The following PLCH1 variants were observed in gnomAD, a reference collection of about 807,000 sequenced individuals.
The protein encoded by PLCH1 is phospholipase C eta 1, also known as 1-phosphatidylinositol 4,5-bisphosphate phosphodiesterase eta-1.
PLCH1 carries 60 observed loss-of-function variants against 126.7 expected under a neutral mutation model. That is an observed-to-expected ratio of 0.47 (90% CI 0.38 to 0.59). PLCH1 has a LOEUF of 0.59. Ranked by LOEUF, PLCH1 falls within the 20% of genes least tolerant of loss-of-function variation. The probability of loss-of-function intolerance (pLI) is 0.00; values close to 1 mark genes in which losing one functional copy is unlikely to be tolerated. For missense variants in PLCH1, 1,723 were observed against 2,040.0 expected (o/e 0.84, Z 2.99); for synonymous variants, 719 against 734.9 (o/e 0.98, Z 0.35).
intron 13 of PLCH1, among the ~76,000 whole-genome samples, chr3:155,503,763 C>T (rs1191770035): frequency 6.6e-6 from 1 of 152,198 alleles, no homozygotes; most frequent in Non-Finnish European, 1.5e-5. Flanking sequence ...GTTTTGAACA[C>T]CTGACCTCAG....
chr3:155,542,111 C>T (rs1724363756), intron 10 of PLCH1, among the ~76,000 whole-genome samples: 1 of 152,196 alleles, frequency 6.6e-6, no homozygotes, highest in South Asian at 2.1e-4. Context: ...CGCAAGGGGT[C>T]AGGGAGTTCC....
chr3:155,523,082 T>C (rs562793067), intron 11 of PLCH1, among the ~76,000 whole-genome samples: 388 of 152,196 alleles, frequency 2.5e-3, no homozygotes, highest in African/African-American at 8.6e-3. Context: ...TCACGCCATT[T>C]TCCCGCCTCA....
intron 10 of PLCH1, among the ~76,000 whole-genome samples, chr3:155,538,644 C>T (rs1354943094): frequency 6.6e-6 from 1 of 151,876 alleles, no homozygotes; most frequent in African/African-American, 2.4e-5. Context: ...AACTAGAAAA[C>T]CTAGAGGAGA....
intron 21 of PLCH1, among the ~76,000 whole-genome samples, chr3:155,461,610 C>T (rs892031404): frequency 6.6e-6 from 1 of 152,150 alleles, no homozygotes; most frequent in Non-Finnish European, 1.5e-5. Context: ...ATACTTATGG[C>T]CTCATGGGAA....
intron 1 of PLCH1, among the ~76,000 whole-genome samples, chr3:155,721,103 G>A (rs913820400): frequency 4.6e-5 from 7 of 152,210 alleles, no homozygotes; most frequent in Non-Finnish European, 8.8e-5. Context: ...GTGCCGTGCT[G>A]TTTTGGTGAC....
At chr3:155,473,194 C>CA (rs1323110069) in intron 21 of PLCH1, among the ~76,000 whole-genome samples, 1 of 150,980 alleles carries the variant, frequency 6.6e-6, no homozygotes, top group East Asian at 1.9e-4. Flanking sequence ...TGTCTCAGCC[C>CA]AAAATCTCCT....
chr3:155,494,856 CA>C (rs764947790), intron 15 of PLCH1, among the ~76,000 whole-genome samples: 5 of 152,028 alleles, frequency 3.3e-5, no homozygotes, highest in Non-Finnish European at 7.4e-5. Flanking sequence ...ATAACTTAAA[CA>C]GAATATATTT....
chr3:155,558,987 A>G (rs1195295810), intron 8 of PLCH1, among the ~76,000 whole-genome samples: 1 of 152,134 alleles, frequency 6.6e-6, no homozygotes, highest in East Asian at 1.9e-4. Flanking sequence ...GCCTAATCAC[A>G]AATGAAGCAA....
intron 2 of PLCH1, among the ~76,000 whole-genome samples, chr3:155,649,561 T>TC (rs937426856): frequency 1.3e-4 from 20 of 151,618 alleles, no homozygotes; most frequent in African/African-American, 3.1e-4. Context: ...TCATTTCAGT[T>TC]CCCCCCCATA....
intron 10 of PLCH1, among the ~76,000 whole-genome samples, chr3:155,548,172 T>G (rs1359427888): frequency 6.6e-6 from 1 of 152,226 alleles, no homozygotes; most frequent in East Asian, 1.9e-4. Context: ...AAACAACTTG[T>G]CAATCTCCAA....
chr3:155,616,108 G>A lies in PLCH1; in HGVS notation c.80-19730C>T, dbSNP rs902663191. On this transcript the variant is annotated intron_variant, in intron 2 of 22. Coordinates refer to ENST00000460012, the MANE Select transcript of PLCH1 (RefSeq NM_014996.4). ...ATATCCCCTAGCTATGCTAGAAAGA[G>A]TCCGACATTATCTGTGGTTCTGCCC... Among the ~76,000 whole-genome samples the A allele has an allele frequency of 6.6e-5, 10 of 152,076 alleles. No homozygotes were observed. The East Asian group carries it at 1.9e-3, about 29-fold the overall frequency.
chr3:155,480,927 C>G lies in PLCH1; in HGVS notation c.*41G>C, dbSNP rs750500597. The G allele has an allele frequency of 6.9e-7, 1 of 1,457,472 alleles. No homozygotes were observed. 90.3% of individuals were successfully genotyped at this position (1,457,472 alleles called of 1,614,324 possible). On this transcript the variant is annotated 3_prime_UTR_variant, in exon 23 of 23. Transcript: ENST00000460012. ...ATTTACTGAAAACTCTGACATTCTA[C>G]AGAATACCTTGAAAACCTTAAGAAT...
intron 21 of PLCH1, among the ~76,000 whole-genome samples, chr3:155,473,499 C>T (rs1286452599): frequency 6.7e-6 from 1 of 149,708 alleles, no homozygotes; most frequent in Non-Finnish European, 1.5e-5. Flanking sequence ...GGCCATACTG[C>T]CCAAGGTAAT....
At chr3:155,578,471 G>T (rs569863261) in intron 6 of PLCH1, among the ~76,000 whole-genome samples, 4 of 152,134 alleles carry the variant, frequency 2.6e-5, no homozygotes, top group Non-Finnish European at 5.9e-5. Flanking sequence ...TAATCACATG[G>T]TTGGTTGCTG....
intron 2 of PLCH1, among the ~76,000 whole-genome samples, chr3:155,604,928 T>C (rs1252211336): frequency 1.3e-5 from 2 of 152,194 alleles, no homozygotes; most frequent in African/African-American, 2.4e-5. Context: ...AGTCTTAGAT[T>C]GTAGCGAATC....
intron 1 of PLCH1, among the ~76,000 whole-genome samples, chr3:155,707,180 C>T (rs1478059633): frequency 6.6e-6 from 1 of 152,168 alleles, no homozygotes; most frequent in Non-Finnish European, 1.5e-5. Context: ...TTAGACTTCC[C>T]AGCCTCCAGA....
chr3:155,616,885 A>C (rs1735865165), intron 2 of PLCH1, among the ~76,000 whole-genome samples: 2 of 152,210 alleles, frequency 1.3e-5, no homozygotes, highest in Admixed American at 1.3e-4. Context: ...CAAACTTTCC[A>C]AAATCAAATT....
intron 21 of PLCH1, among the ~76,000 whole-genome samples, chr3:155,460,782 T>C (rs1357089146): frequency 1.4e-5 from 2 of 144,258 alleles, no homozygotes; most frequent in Non-Finnish European, 3.0e-5. Flanking sequence ...GATAGATAGA[T>C]ATAGAAGATA....
chr3:155,527,669 C>A (rs1010353307), intron 10 of PLCH1, among the ~76,000 whole-genome samples: 8 of 151,512 alleles, frequency 5.3e-5, no homozygotes, highest in African/African-American at 1.5e-4. Context: ...TAACCCCAGC[C>A]CTTTGGGAGG....
Sources: gnomAD v4.1 joint callset for allele counts (sites outside exome capture counted in the v4.1 genomes callset) on GRCh38, gnomAD v4.1.1 for gene constraint, MANE v1.5 for transcripts, NCBI Gene and HGNC (gene_info 2026-07-23, HGNC 2026-07-21) for gene names.